The following DOK6 variants were observed in gnomAD, a reference collection of about 807,000 sequenced individuals.
The protein encoded by DOK6 is downstream of tyrosine kinase 6.
A neutral mutation model predicts 44.0 loss-of-function variants in DOK6; 22 were observed. The ratio of observed to expected loss-of-function variants is 0.50; its 90% CI spans 0.36 to 0.71. The LOEUF (loss-of-function observed/expected upper bound fraction) is 0.71, where lower values mean the gene tolerates loss of function less well. Ranked by LOEUF, DOK6 falls within the 30% of genes least tolerant of loss-of-function variation. DOK6 has a pLI of 0.00. For missense variants in DOK6, 340 were observed against 416.4 expected, an observed-to-expected ratio of 0.82 and a Z score of 1.60; for synonymous variants, 166 against 145.5, an observed-to-expected ratio of 1.14 and a Z score of -1.01.
chr18:69,461,360 T>C (rs1235726877), intron 1 of DOK6, among the ~76,000 whole-genome samples: 1 of 152,170 alleles, frequency 6.6e-6, no homozygotes, highest in Non-Finnish European at 1.5e-5. Flanking sequence ...GCCATATTCC[T>C]CATCACTCAA....
Position 69,698,560 on chromosome 18 carries a change from G to T in DOK6, c.566G>T (p.Arg189Leu). 1 of 1,613,874 alleles carries T rather than the reference G, an allele frequency of 6.2e-7. No individual in the cohort carries two copies. The highest frequency in any genetic ancestry group is 8.5e-7 in the Non-Finnish European group (1 of 1,179,914). Residue 189 changes from arginine to leucine, a missense_variant, in exon 5 of 8, where the codon CGG becomes CTG. By Grantham distance (102) the Arg-to-Leu change is moderately radical. This residue lies in a region of DOK6 where 206 missense variants were observed against 258.6 expected (regional missense o/e 0.80). Transcript: ENST00000382713. ...WPLSSLRRYG[R>L]DSTWFTFESG... ...CTCAGCTCACTGAGGAGATACGGTCGGGACTCAACGTGGTTCACGTTTGAG... is the reference window on the plus strand; with the variant it reads ...CTCAGCTCACTGAGGAGATACGGTCTGGACTCAACGTGGTTCACGTTTGAG...
At chr18:69,783,485 G>A (rs757007474) in intron 7 of DOK6, among the ~76,000 whole-genome samples, 7 of 151,946 alleles carry the variant, frequency 4.6e-5, no homozygotes, top group South Asian at 2.1e-4. Flanking sequence ...TAAATTTAAC[G>A]TTACATTGGT....
intron 7 of DOK6, among the ~76,000 whole-genome samples, chr18:69,766,022 G>A (rs557949536): frequency 2.9e-4 from 44 of 151,996 alleles, no homozygotes; most frequent in Non-Finnish European, 5.4e-4. Flanking sequence ...CAACCTAGGC[G>A]CCCATCAACA....
At chr18:69,667,452 C>T (rs1985688755) in intron 3 of DOK6, among the ~76,000 whole-genome samples, 1 of 152,132 alleles carries the variant, frequency 6.6e-6, no homozygotes, top group Non-Finnish European at 1.5e-5. Flanking sequence ...ATAAGGGAAG[C>T]CTAACAAAAA....
intron 1 of DOK6, among the ~76,000 whole-genome samples, chr18:69,501,074 A>G (rs1320577055): frequency 6.6e-6 from 1 of 152,172 alleles, no homozygotes; most frequent in African/African-American, 2.4e-5. Flanking sequence ...AACACAAAAG[A>G]TGGAAAAATA....
At chr18:69,831,895 G>T (rs1465149985) in intron 7 of DOK6, among the ~76,000 whole-genome samples, 1 of 152,142 alleles carries the variant, frequency 6.6e-6, no homozygotes, top group East Asian at 1.9e-4. Context: ...TTTGTATCCT[G>T]CAACTTTAGT....
At chr18:69,687,010 A>T (rs1986168318) in intron 4 of DOK6, among the ~76,000 whole-genome samples, 1 of 152,202 alleles carries the variant, frequency 6.6e-6, no homozygotes, top group African/African-American at 2.4e-5. Context: ...TACTAATGCT[A>T]TGCAAAACTA....
At chr18:69,541,022 T>C (rs1031756802) in intron 1 of DOK6, among the ~76,000 whole-genome samples, 3 of 152,154 alleles carry the variant, frequency 2.0e-5, no homozygotes, top group African/African-American at 4.8e-5. Context: ...AAAGAGTGTG[T>C]ATGTTATCCT....
chr18:69,834,023 T>A (rs1387448214), intron 7 of DOK6, among the ~76,000 whole-genome samples: 1 of 152,166 alleles, frequency 6.6e-6, no homozygotes, highest in Admixed American at 6.5e-5. Context: ...CAATCCCACT[T>A]CTAGGTACAC....
intron 3 of DOK6, among the ~76,000 whole-genome samples, chr18:69,628,725 G>A (rs941739491): frequency 4.6e-5 from 7 of 152,224 alleles, no homozygotes; most frequent in East Asian, 1.9e-4. Flanking sequence ...ATCTCTGAGC[G>A]TATCTCTAAA....
intron 2 of DOK6, among the ~76,000 whole-genome samples, chr18:69,594,365 T>C (rs192061994): frequency 1.3e-5 from 2 of 152,130 alleles, no homozygotes; most frequent in African/African-American, 4.8e-5. Flanking sequence ...CAAACCTCTT[T>C]AAGTATTTTA....
At chr18:69,625,381 G>A (rs1984535108) in intron 3 of DOK6, among the ~76,000 whole-genome samples, 1 of 152,090 alleles carries the variant, frequency 6.6e-6, no homozygotes, top group Non-Finnish European at 1.5e-5. Flanking sequence ...ACCTTGGGAG[G>A]GTAACTTCCC....
Position 69,574,083 on chromosome 18 carries a change from C to T in DOK6, c.174+9489C>T, listed in dbSNP as rs965917355. On this transcript the variant is annotated intron_variant, in intron 2 of 7. Coordinates refer to ENST00000382713, the MANE Select transcript of DOK6 (RefSeq NM_152721.6). ...TCTTTATTGGGGAATTGCTATTAAG[C>T]CCAATTCATATATGATGAATGCAGT... is the stretch of plus-strand genomic sequence containing the variant. Among the ~76,000 whole-genome samples the T allele has an allele frequency of 5.9e-5, 9 of 151,972 alleles. No individual in the cohort carries two copies. In the Middle Eastern group the frequency reaches 0.01, roughly 172 times the overall value.
intron 1 of DOK6, among the ~76,000 whole-genome samples, chr18:69,552,661 C>G (rs1982593955): frequency 6.6e-6 from 1 of 152,178 alleles, no homozygotes; most frequent in Admixed American, 6.5e-5. Flanking sequence ...TTATAATCTG[C>G]ATGTTATTCA....
chr18:69,492,636 A>G (rs1215289796), intron 1 of DOK6, among the ~76,000 whole-genome samples: 1 of 151,916 alleles, frequency 6.6e-6, no homozygotes, highest in East Asian at 1.9e-4. Context: ...TGTGTAATCG[A>G]TCTTTAGCTC....
intron 2 of DOK6, among the ~76,000 whole-genome samples, chr18:69,573,022 G>A (rs1477051128): frequency 1.3e-5 from 2 of 151,474 alleles, no homozygotes; most frequent in Non-Finnish European, 3.0e-5. Context: ...TAACACACCT[G>A]TAGGCCTATG....
In DOK6 at chr18:69,844,231, A is replaced by G. The variant is rs1599356598; in HGVS notation, c.*2848A>G. On this transcript the variant is annotated 3_prime_UTR_variant, in exon 8 of 8. Transcript: ENST00000382713. Reference sequence around the variant, plus strand: ...TTTTCAATGCGAGGGAGGAATTACTATGAACCAAAGATATCTTTTGGCTCC... The same window carrying G: ...TTTTCAATGCGAGGGAGGAATTACTGTGAACCAAAGATATCTTTTGGCTCC... 1 of 152,216 alleles carries G rather than the reference A, an allele frequency of 6.6e-6. No homozygotes were observed. The allele number at this position is 152,216 out of a possible 1,614,324, so 9.4% of individuals were successfully genotyped here.
intron 3 of DOK6, 138 bp from the exon 4 acceptor site, chr18:69,677,596 A>T: frequency 7.1e-7 from 1 of 1,414,382 alleles, no homozygotes. Context: ...TTCACTTCCT[A>T]AATACAGTTT....
At chr18:69,415,326 G>A (rs1345006494) in intron 1 of DOK6, among the ~76,000 whole-genome samples, 1 of 151,868 alleles carries the variant, frequency 6.6e-6, no homozygotes, top group Non-Finnish European at 1.5e-5. Context: ...GTGAATTGAG[G>A]AAAATAATGA....
Sources: allele counts gnomAD v4.1 joint callset (sites outside exome capture counted in the v4.1 genomes callset), GRCh38; gene constraint gnomAD v4.1.1; regional missense constraint gnomAD v4.1.1; transcripts MANE v1.5; gene names NCBI Gene and HGNC (gene_info 2026-07-23, HGNC 2026-07-21).